Variants in MARF1 observed in about 807,000 individuals in gnomAD.
MARF1 encodes limkain-b1.
In MARF1, 24 loss-of-function variants were observed where a neutral mutation model predicts 168.2. The observed-to-expected ratio is 0.14, with a 90% CI of 0.10 to 0.20. The LOEUF is 0.20. Among genes scored for constraint, MARF1 ranks in the 10% least tolerant of loss-of-function variants. The pLI, the probability that MARF1 is intolerant of heterozygous loss-of-function variation, is 1.00. For synonymous variants in MARF1, 868 were observed against 822.4 expected (o/e 1.06, Z -0.95); for missense variants, 1,744 against 2,143.6 (o/e 0.81, Z 3.68).
intron 21 of MARF1, among the ~76,000 whole-genome samples, chr16:15,606,689 G>A (rs2033043197): frequency 6.6e-6 from 1 of 152,048 alleles, no homozygotes; most frequent in African/African-American, 2.4e-5. Flanking sequence ...CTTCCTCTGT[G>A]TGCTGTTTCC....
chr16:15,597,842 C>T lies in MARF1; in HGVS notation c.4985-905G>A, dbSNP rs369251452. ...CAATGTGCCACCAACCCTAGGGGGG[C>T]ACTGCACAGGAGCAGGGCATGGTCT... On this transcript the variant is annotated intron_variant, in intron 26 of 26. Coordinates refer to ENST00000396368, the MANE Select transcript of MARF1 (RefSeq NM_014647.4). Among the ~76,000 whole-genome samples, 19 of 152,344 alleles carry T rather than the reference C, an allele frequency of 1.2e-4. No homozygotes were observed. In the East Asian group the frequency reaches 3.3e-3, roughly 26 times the overall value.
chr16:15,625,609 A>G lies in MARF1; in HGVS notation c.1716T>C (p.Asp572=). The change falls in exon 8 of 27, where the codon GAT becomes GAC. Residue 572 remains aspartate, a synonymous_variant. Coordinates refer to ENST00000396368, the MANE Select transcript of MARF1 (RefSeq NM_014647.4). ...ERAQKRMENE[D]VFGNRIIVSF... is the part of the protein sequence containing the mutation. ...ACACAATGATCCTATTACCAAAGAC[A>G]TCTTCGTTTTCCATTCGCTTCTGAG... is the stretch of plus-strand genomic sequence containing the variant. The G allele has an allele frequency of 6.2e-7, 1 of 1,614,198 alleles. No homozygotes were observed. Among genetic ancestry groups the G allele is most frequent in the South Asian group, 1.1e-5 (1 of 91,090 alleles).
chr16:15,622,669 C>T (rs1321498066), intron 11 of MARF1, among the ~76,000 whole-genome samples: 4 of 152,334 alleles, frequency 2.6e-5, no homozygotes, highest in South Asian at 4.1e-4. Context: ...AGGCATGAGC[C>T]GCCATGCCTG....
At chr16:15,609,211 C>A (rs1457219947) in intron 20 of MARF1, among the ~76,000 whole-genome samples, 1 of 152,138 alleles carries the variant, frequency 6.6e-6, no homozygotes, top group African/African-American at 2.4e-5. Flanking sequence ...TGCACTCCAG[C>A]CTGGGCGACA....
rs191048347 is a variant in MARF1 at position 15,617,274 on chromosome 16, T to A, written c.2957+25A>T. On this transcript the variant is annotated intron_variant, in intron 14 of 26. Transcript: ENST00000396368. ...CCACAATCTTATAGAAAAGAATTAC[T>A]TCTAAAGGAAAACGAACGGCACACC... 1.7e-5 allele frequency: 27 copies of A among 1,611,684 alleles called. No homozygotes were observed. In the East Asian group the frequency reaches 6.0e-4, roughly 36 times the overall value.
At chr16:15,639,359 A>C in intron 1 of MARF1, 68 bp from the exon 2 acceptor site, 2 of 1,019,286 alleles carry the variant, frequency 2.0e-6, no homozygotes, top group Non-Finnish European at 2.9e-6. Flanking sequence ...ACATACTAAA[A>C]TGTGAAACCA....
chr16:15,625,729 G>A lies in MARF1; in HGVS notation c.1596C>T (p.Leu532=). The A allele has an allele frequency of 6.2e-7, 1 of 1,614,070 alleles. No homozygotes were observed. Among genetic ancestry groups the A allele is most frequent in the Non-Finnish European group, 8.5e-7 (1 of 1,179,900 alleles). ...CACCACAATTATCGGACAGGCGTCT[G>A]AGCCTGTTGCTGACGCTCTTGCCAT... The part of the protein sequence containing the change: ...NKDGKSVSNR[L]RRLSDNCGGK... The change falls in exon 8 of 27, where the codon CTC becomes CTT. Residue 532 remains leucine (L), a synonymous_variant. Transcript: ENST00000396368.
At chr16:15,609,803 C>T in intron 19 of MARF1, 78 bp from the exon 20 acceptor site, 2 of 1,197,214 alleles carry the variant, frequency 1.7e-6, no homozygotes, top group Non-Finnish European at 2.4e-6. Flanking sequence ...TAGAGTAAAT[C>T]CTTTTGGGAA....
At chr16:15,618,186 G>A (rs560465796) in intron 13 of MARF1, among the ~76,000 whole-genome samples, 1 of 152,186 alleles carries the variant, frequency 6.6e-6, no homozygotes, top group Admixed American at 6.5e-5. Flanking sequence ...AGGATTAAGT[G>A]TGGTTAGGCC....
intron 2 of MARF1, among the ~76,000 whole-genome samples, chr16:15,637,456 AC>A (rs2035673326): frequency 6.6e-6 from 1 of 152,232 alleles, no homozygotes; most frequent in Non-Finnish European, 1.5e-5. Flanking sequence ...TTTCAGCTAA[AC>A]TTTCCCTAAA....
chr16:15,595,362 T>C lies in MARF1; in HGVS notation c.*1331A>G, dbSNP rs1345785257. The C allele has an allele frequency of 6.6e-6, 1 of 152,580 alleles. No individual in the cohort carries two copies. The highest frequency in any genetic ancestry group is 6.5e-5 in the Admixed American group (1 of 15,276). The allele number at this position is 152,580 out of a possible 1,614,324, so 9.5% of individuals were successfully genotyped here. On this transcript the variant is annotated 3_prime_UTR_variant, in exon 27 of 27. Transcript: ENST00000396368. ...CTGGCTTTCTAGAAGTTACCAAATA[T>C]AAACATTTCCCCAAAAGAAACCATC...
intron 12 of MARF1, 166 bp downstream of exon 12, chr16:15,621,567 A>G (rs2034463056): frequency 1.4e-6 from 1 of 693,950 alleles, no homozygotes; most frequent in Non-Finnish European, 2.3e-6. Flanking sequence ...GACTTAGACA[A>G]GAGTCAAATG....
intron 1 of MARF1, among the ~76,000 whole-genome samples, 184 bp from the exon 2 acceptor site, chr16:15,639,475 A>C (rs1159702652): frequency 1.3e-5 from 2 of 152,164 alleles, no homozygotes; most frequent in Non-Finnish European, 2.9e-5. Flanking sequence ...ATCTCAGCTC[A>C]CTGCAACCTC....
At chr16:15,597,837 G>C (rs2062533) in intron 26 of MARF1, among the ~76,000 whole-genome samples, 3,355 of 152,312 alleles carry the variant, frequency 0.022, 121 homozygotes, top group East Asian at 0.16. Flanking sequence ...CCAACCCTAG[G>C]GGGGCACTGC....
chr16:15,618,584 C>T (rs1394045469), intron 13 of MARF1, among the ~76,000 whole-genome samples: 2 of 152,180 alleles, frequency 1.3e-5, no homozygotes, highest in East Asian at 3.9e-4. Flanking sequence ...TCCTGATGTG[C>T]TCTCTTGGCA....
rs745793466 is a variant in MARF1 at position 15,608,354 on chromosome 16, A to T, written c.4119T>A (p.Arg1373=). The T allele has an allele frequency of 1.1e-5, 18 of 1,613,812 alleles. No individual in the cohort carries two copies. The highest frequency in any genetic ancestry group is 1.4e-5 in the Non-Finnish European group (16 of 1,179,942). The stretch of plus-strand genomic sequence containing the variant: ...TGGAACTGACATCATAGTCTTGGAG[A>T]CGAAATGTATAACCAAAAGTTTTAG... ...EYAKTFGYTF[R]LQDYDVSSIS... The change falls in exon 21 of 27, where the codon CGT becomes CGA. Residue 1373 remains arginine, a synonymous_variant. Coordinates refer to ENST00000396368, the MANE Select transcript of MARF1 (RefSeq NM_014647.4).
chr16:15,601,842 T>C, intron 23 of MARF1, 149 bp downstream of exon 23: 2 of 704,496 alleles, frequency 2.8e-6, no homozygotes, highest in Non-Finnish European at 5.0e-6. Flanking sequence ...GCTAAAATCA[T>C]TTACTTTAGA....
At chr16:15,635,030 C>G in intron 3 of MARF1, 99 bp from the exon 4 acceptor site, 1 of 979,608 alleles carries the variant, frequency 1.0e-6, no homozygotes, top group South Asian at 1.8e-5. Context: ...AAGTGTTTTA[C>G]CTTTCCACTT....
rs749153815 is a variant in MARF1, at chr16:15,611,742, G to A, written c.3475-8C>T. The A allele has an allele frequency of 1.1e-5, 17 of 1,613,466 alleles. No individual in the cohort carries two copies. The African/African-American group carries it at 1.9e-4, about 18-fold the overall frequency. On this transcript the variant is annotated splice_polypyrimidine_tract_variant and splice_region_variant and intron_variant, in intron 17 of 26. Coordinates refer to ENST00000396368, the MANE Select transcript of MARF1 (RefSeq NM_014647.4). ...GGAGCCCATTCCAAGAATCTGCAAA[G>A]CAAATAGTTTATTTATACACATAAG...
Sources: gnomAD v4.1 joint callset for allele counts (sites outside exome capture counted in the v4.1 genomes callset) on GRCh38, gnomAD v4.1.1 for gene constraint, MANE v1.5 for transcripts, NCBI Gene and HGNC (gene_info 2026-07-23, HGNC 2026-07-21) for gene names.